CEMIP: variants seen among roughly 807,000 people sequenced by gnomAD.
CEMIP encodes the protein cell migration inducing hyaluronidase 1, also known as cell migration-inducing and hyaluronan-binding protein.
CEMIP carries 105 observed loss-of-function variants against 156.9 expected under a neutral mutation model. The ratio of observed to expected loss-of-function variants is 0.67; its 90% confidence interval spans 0.57 to 0.79. The LOEUF is 0.79. CEMIP is among the 30% of genes least tolerant of loss of function. The pLI, the probability that CEMIP is intolerant of heterozygous loss-of-function variation, is 0.00. For synonymous variants in CEMIP, 676 were observed against 668.4 expected (o/e 1.01, Z -0.17); for missense variants, 1,457 against 1,769.4 (o/e 0.82, Z 3.17).
chr15:80,907,300 C>T (rs1401851159), intron 13 of CEMIP, among the ~76,000 whole-genome samples: 4 of 152,350 alleles, frequency 2.6e-5, no homozygotes, highest in East Asian at 1.9e-4. Flanking sequence ...TGGTGGCTCC[C>T]GCCTGTAATC....
intron 19 of CEMIP, among the ~76,000 whole-genome samples, chr15:80,926,848 T>TTTTTTTTTTTTTTTGG: frequency 6.7e-6 from 1 of 149,460 alleles, no homozygotes; most frequent in African/African-American, 2.5e-5. Flanking sequence ...TTTTTTTTTT[T>TTTTTTTTTTTTTTTGG]GAGATGGAGT....
At chr15:80,913,847 G>A (rs1332668064) in intron 14 of CEMIP, among the ~76,000 whole-genome samples, 6 of 152,202 alleles carry the variant, frequency 3.9e-5, no homozygotes, top group Non-Finnish European at 5.9e-5. Context: ...TTCACGATGC[G>A]TGCTAGCAGA....
intron 1 of CEMIP, among the ~76,000 whole-genome samples, chr15:80,872,695 A>G (rs1458140661): frequency 6.6e-6 from 1 of 152,112 alleles, no homozygotes; most frequent in Non-Finnish European, 1.5e-5. Context: ...CATGCCTGCA[A>G]TCCCAACTAC....
Position 80,932,621 on chromosome 15 carries a change from T to C in CEMIP, c.2793+582T>C, listed in dbSNP as rs570360155. ...TATGGATTCCCAGACTTTTCCCTCC[T>C]TCTCCTCCCTGCTCCTGCCTTTTGC... On this transcript the variant is annotated intron_variant, in intron 22 of 29. Coordinates refer to ENST00000394685, the MANE Select transcript of CEMIP (RefSeq NM_001293298.2). This position sits in a 1 kb window ranked among gnomAD's most constrained non-coding sequence, Gnocchi z 4.5. Among the ~76,000 whole-genome samples, 52 of 152,258 alleles carry C rather than the reference T, an allele frequency of 3.4e-4. No individual in the cohort carries two copies. The highest frequency in any genetic ancestry group is 3.8e-4 in the Non-Finnish European group (26 of 67,996).
chr15:80,931,044 G>C (rs944542685), intron 21 of CEMIP, among the ~76,000 whole-genome samples: 10 of 152,112 alleles, frequency 6.6e-5, no homozygotes, highest in Non-Finnish European at 1.0e-4. Flanking sequence ...AAGTGTGTCT[G>C]AGCAACCTAC....
In CEMIP at chr15:80,784,657, T is replaced by C. The variant is rs530097180; in HGVS notation, c.-176+5043T>C. 9.6e-4 allele frequency among the ~76,000 whole-genome samples: 146 copies of C among 152,306 alleles called. 2 individuals carry two copies. The highest frequency in any genetic ancestry group is 1.5e-3 in the East Asian group (8 of 5,184). Reference sequence around the variant, plus strand: ...ACCTGGGCAGGTTCCTTGACTTCTCTAGTCCTTTGTTTAGGGGTTAGGTTA... The same window carrying C: ...ACCTGGGCAGGTTCCTTGACTTCTCCAGTCCTTTGTTTAGGGGTTAGGTTA... On this transcript the variant is annotated intron_variant, in intron 1 of 29. Coordinates refer to ENST00000394685, the MANE Select transcript of CEMIP (RefSeq NM_001293298.2).
intron 1 of CEMIP, among the ~76,000 whole-genome samples, chr15:80,857,655 T>C (rs1311404240): frequency 6.6e-6 from 1 of 152,220 alleles, no homozygotes; most frequent in Non-Finnish European, 1.5e-5. Flanking sequence ...GCAAGACCTC[T>C]GGTTTCTAAC....
intron 1 of CEMIP, among the ~76,000 whole-genome samples, chr15:80,815,766 G>A (rs1896776166): frequency 6.6e-6 from 1 of 152,212 alleles, no homozygotes; most frequent in African/African-American, 2.4e-5. Flanking sequence ...TATTTTCCAA[G>A]TAGGAGGGAG....
chr15:80,789,808 C>T (rs1896033778), intron 1 of CEMIP, among the ~76,000 whole-genome samples: 1 of 152,152 alleles, frequency 6.6e-6, no homozygotes, highest in Non-Finnish European at 1.5e-5. Context: ...TAGTGAAGTT[C>T]ATTTTTACTT....
intron 3 of CEMIP, among the ~76,000 whole-genome samples, chr15:80,876,741 C>G (rs186556134): frequency 5.1e-4 from 78 of 152,320 alleles, no homozygotes; most frequent in African/African-American, 1.7e-3. Flanking sequence ...GGGTCTGTAT[C>G]TGGTGCTGCT....
intron 23 of CEMIP, among the ~76,000 whole-genome samples, chr15:80,936,365 T>C (rs919870075): frequency 3.3e-5 from 5 of 152,220 alleles, no homozygotes; most frequent in Admixed American, 6.5e-5. Flanking sequence ...TCTCTGTCCT[T>C]TGTCCAAAAT....
At chr15:80,796,946 G>A (rs1333945046) in intron 1 of CEMIP, among the ~76,000 whole-genome samples, 4 of 152,104 alleles carry the variant, frequency 2.6e-5, no homozygotes, top group Non-Finnish European at 5.9e-5. Flanking sequence ...GATTAGAGAG[G>A]GCATTTTAGG....
intron 1 of CEMIP, among the ~76,000 whole-genome samples, chr15:80,815,525 TTTCC>T (rs987556794): frequency 1.3e-5 from 2 of 151,202 alleles, no homozygotes; most frequent in East Asian, 1.9e-4. Context: ...TCTTTTCTTT[TTTCC>T]TTCCTTCCTT....
At chr15:80,810,405 T>C (rs983542637) in intron 1 of CEMIP, among the ~76,000 whole-genome samples, 10 of 152,220 alleles carry the variant, frequency 6.6e-5, no homozygotes, top group African/African-American at 2.4e-4. Flanking sequence ...TCTCACTCTG[T>C]CACCCAGGCT....
chr15:80,795,380 G>A (rs1375792357), intron 1 of CEMIP, among the ~76,000 whole-genome samples: 1 of 152,056 alleles, frequency 6.6e-6, no homozygotes, highest in Non-Finnish European at 1.5e-5. Context: ...TGGTGATGGT[G>A]GGTTGGAGTG....
At position 80,906,774 on chromosome 15, in the gene CEMIP, G is replaced by A. The variant is rs1252665208; in HGVS notation, c.1523G>A (p.Cys508Tyr). 1.2e-6 allele frequency: 2 copies of A among 1,614,082 alleles called. No homozygotes were observed. Among genetic ancestry groups the A allele is most frequent in the Non-Finnish European group, 1.7e-6 (2 of 1,180,046 alleles). ...GTGATGGGGGAGATGGAGGACAAATGCTACCCCTACAGAAACCACATCTGC... is the reference window on the plus strand; with the variant it reads ...GTGATGGGGGAGATGGAGGACAAATACTACCCCTACAGAAACCACATCTGC... ...IIVMGEMEDKCYPYRNHICNF... is the reference protein window; with the variant it reads ...IIVMGEMEDKYYPYRNHICNF... The change falls in exon 13 of 30, where the codon TGC (cysteine) becomes TAC (tyrosine). Residue 508 changes from cysteine (C) to tyrosine (Y), a missense_variant. Transcript: ENST00000394685. The surrounding 1 kb of genome is among the most constrained non-coding windows in gnomAD (Gnocchi z 4.3).
At chr15:80,907,441 A>G (rs1899857389) in intron 13 of CEMIP, among the ~76,000 whole-genome samples, 1 of 152,190 alleles carries the variant, frequency 6.6e-6, no homozygotes, top group African/African-American at 2.4e-5. Context: ...GGGCGCCTGT[A>G]ATCCCAGCTA....
At chr15:80,789,351 A>C (rs906432) in intron 1 of CEMIP, among the ~76,000 whole-genome samples, 1 of 151,950 alleles carries the variant, frequency 6.6e-6, no homozygotes. Context: ...CTTCTCCCTT[A>C]CTTCCCTTCC....
chr15:80,883,454 G>A (rs983401306), intron 6 of CEMIP, among the ~76,000 whole-genome samples: 1 of 151,756 alleles, frequency 6.6e-6, no homozygotes, highest in African/African-American at 2.4e-5. Context: ...AGATCTCAAG[G>A]TAAGTGTTCT....
Sources: gnomAD v4.1 joint callset for allele counts (sites outside exome capture counted in the v4.1 genomes callset) on GRCh38, gnomAD v4.1.1 for gene constraint, Gnocchi (gnomAD v3.1) non-coding constraint, MANE v1.5 for transcripts, NCBI Gene and HGNC (gene_info 2026-07-23, HGNC 2026-07-21) for gene names.